Variants in FAM78B observed in about 807,000 individuals in gnomAD.
FAM78B encodes the protein protein FAM78B.
A neutral mutation model predicts 20.0 loss-of-function variants in FAM78B; 10 were observed. The observed-to-expected ratio is 0.50, with a 90% CI of 0.31 to 0.85. The LOEUF is 0.85. FAM78B is among the 40% of genes least tolerant of loss of function. The pLI, the probability that FAM78B is intolerant of heterozygous loss-of-function variation, is 0.05. For missense variants in FAM78B, 283 were observed against 345.0 expected (o/e 0.82, Z 1.42); for synonymous variants, 135 against 132.8 (o/e 1.02, Z -0.12).
intron 1 of FAM78B, chr1:166,087,327 T>C (rs1652876279): frequency 6.6e-6 from 1 of 152,124 alleles, no homozygotes. Context: ...CTCCCCAAAA[T>C]GCTAGGATTA....
chr1:166,118,239 A>T (rs1654330334), intron 1 of FAM78B, among the ~76,000 whole-genome samples: 1 of 152,204 alleles, frequency 6.6e-6, no homozygotes, highest in African/African-American at 2.4e-5. Context: ...TGCAGAATAC[A>T]GATAACCAGG....
chr1:166,106,118 A>C (rs1653771677), intron 1 of FAM78B, among the ~76,000 whole-genome samples: 1 of 150,000 alleles, frequency 6.7e-6, no homozygotes, highest in Admixed American at 6.7e-5. Context: ...GAAAAACCAA[A>C]CACCGTATGT....
intron 1 of FAM78B, among the ~76,000 whole-genome samples, chr1:166,074,864 C>G (rs1455100900): frequency 6.6e-6 from 1 of 152,182 alleles, no homozygotes; most frequent in Non-Finnish European, 1.5e-5. Flanking sequence ...CCAAGTGATA[C>G]AGCAATTTGG....
At chr1:166,143,215 A>G (rs1052904982) in intron 1 of FAM78B, among the ~76,000 whole-genome samples, 8 of 152,166 alleles carry the variant, frequency 5.3e-5, no homozygotes, top group Non-Finnish European at 1.2e-4. Flanking sequence ...AGAGGCTGGG[A>G]CAGTGGCAGG....
intron 1 of FAM78B, among the ~76,000 whole-genome samples, chr1:166,106,794 T>C (rs1018569772): frequency 6.6e-6 from 1 of 152,120 alleles, no homozygotes; most frequent in South Asian, 2.1e-4. Context: ...ACCTGGGTGA[T>C]GGGATCACTT....
At position 166,166,215 on chromosome 1, in the gene FAM78B, G is replaced by C. The variant is rs1357761559; in HGVS notation, c.34C>G (p.Arg12Gly). The change falls in exon 1 of 2, where the codon CGG (arginine) becomes GGG (glycine). Residue 12 changes from arginine to glycine, a missense_variant. Arg to Gly is a moderately radical substitution (Grantham distance 125). Coordinates refer to ENST00000354422, the MANE Select transcript of FAM78B (RefSeq NM_001017961.5). The part of the protein sequence containing the change: ...GCIQSITCKA[R>G]IRRENIVVYD... ...ACCACGATGTTCTCGCGCCGGATCCGCGCCTTGCAGGTGATGCTTTGGATA... is the reference window on the plus strand; with the variant it reads ...ACCACGATGTTCTCGCGCCGGATCCCCGCCTTGCAGGTGATGCTTTGGATA... The C allele has an allele frequency of 1.3e-6, 2 of 1,559,248 alleles. No individual in the cohort carries two copies. Among genetic ancestry groups the C allele is most frequent in the East Asian group, 2.4e-5 (1 of 42,492 alleles).
At chr1:166,107,258 A>G (rs1653823939) in intron 1 of FAM78B, among the ~76,000 whole-genome samples, 1 of 152,188 alleles carries the variant, frequency 6.6e-6, no homozygotes, top group Non-Finnish European at 1.5e-5. Flanking sequence ...CATTGGCAAG[A>G]TTAACCAAGA....
chr1:166,079,562 C>T (rs1258501135), intron 1 of FAM78B, among the ~76,000 whole-genome samples: 1 of 152,096 alleles, frequency 6.6e-6, no homozygotes, highest in Non-Finnish European at 1.5e-5. Flanking sequence ...TGTGATGGAA[C>T]ATCTTTTTCA....
chr1:166,152,655 G>GATTGATTTATTTATTT (rs369101683), intron 1 of FAM78B, among the ~76,000 whole-genome samples: 102 of 140,580 alleles, frequency 7.3e-4, no homozygotes, highest in African/African-American at 2.8e-3. Flanking sequence ...TGGTACTCTG[G>GATTGATTTATTTATTT]ATTTATTTAT....
chr1:166,127,219 C>T, intron 1 of FAM78B, among the ~76,000 whole-genome samples: 1 of 152,182 alleles, frequency 6.6e-6, no homozygotes, highest in East Asian at 1.9e-4. Context: ...GTTCCTCTTT[C>T]ATTTCCTACC....
intron 1 of FAM78B, among the ~76,000 whole-genome samples, chr1:166,126,077 G>A (rs775375875): frequency 6.6e-6 from 1 of 152,030 alleles, no homozygotes; most frequent in Non-Finnish European, 1.5e-5. Flanking sequence ...CTGGTGATCT[G>A]CCCACCTCAG....
At chr1:166,134,427 G>C (rs1342359987) in intron 1 of FAM78B, among the ~76,000 whole-genome samples, 1 of 152,042 alleles carries the variant, frequency 6.6e-6, no homozygotes, top group Non-Finnish European at 1.5e-5. Context: ...CCCATCTTAT[G>C]GTTGGGCTGA....
At chr1:166,060,207 C>T (rs1651529784) in exon 3 of FAM78B, 1 of 188,658 alleles carries the variant, frequency 5.3e-6, no homozygotes. Flanking sequence ...ACAAATCCCC[C>T]GTTTCCCACC....
intron 1 of FAM78B, among the ~76,000 whole-genome samples, chr1:166,105,496 A>G (rs1653735613): frequency 6.6e-6 from 1 of 152,208 alleles, no homozygotes; most frequent in Non-Finnish European, 1.5e-5. Flanking sequence ...AATGAACTCA[A>G]ACAAACTTAC....
chr1:166,086,443 C>T (rs1001365109), intron 1 of FAM78B, among the ~76,000 whole-genome samples: 16 of 152,270 alleles, frequency 1.1e-4, no homozygotes, highest in Non-Finnish European at 2.9e-5. Flanking sequence ...ATGGAAGGGG[C>T]TTCCCAGTTT....
rs1403277463 is a variant in FAM78B, at chr1:166,070,196, T to C, written c.*45A>G. The stretch of plus-strand genomic sequence containing the variant: ...TGCCACCCCTGGCACCCTCACTGCA[T>C]GTCTCAGAGGCGTGTGATCCACACA... On this transcript the variant is annotated 3_prime_UTR_variant, in exon 2 of 2. Coordinates refer to ENST00000354422, the MANE Select transcript of FAM78B (RefSeq NM_001017961.5). 1.4e-6 allele frequency: 2 copies of C among 1,461,040 alleles called. No individual in the cohort carries two copies. Among genetic ancestry groups the C allele is most frequent in the Non-Finnish European group, 1.8e-6 (2 of 1,102,230 alleles). 90.5% of individuals were successfully genotyped at this position (1,461,040 alleles called of 1,614,324 possible). A position where few individuals can be genotyped will look rare whatever the true frequency, so the allele number is the denominator to read the frequency against.
intron 1 of FAM78B, among the ~76,000 whole-genome samples, chr1:166,076,506 C>A (rs1652283798): frequency 6.6e-6 from 1 of 152,122 alleles, no homozygotes; most frequent in South Asian, 2.1e-4. Context: ...AAAATTGCAA[C>A]CTCCTGCCCC....
At chr1:166,159,256 A>G (rs1333046742) in intron 1 of FAM78B, among the ~76,000 whole-genome samples, 1 of 152,136 alleles carries the variant, frequency 6.6e-6, no homozygotes, top group Non-Finnish European at 1.5e-5. Flanking sequence ...ATAGAAAGCC[A>G]GGACACAGGG....
At position 166,104,052 on chromosome 1, in the gene FAM78B, C is replaced by T. The variant is rs61835097; in HGVS notation, c.264-33289G>A. ...TGGGATGCAAGGCTGGTTCAACATA[C>T]GCAAATCAATAAACATAATCCAGCA... On this transcript the variant is annotated intron_variant, in intron 1 of 1. Transcript: ENST00000354422. Among the ~76,000 whole-genome samples, 762 of 152,232 alleles carry T rather than the reference C, an allele frequency of 5.0e-3. 6 individuals are homozygous for T. Among genetic ancestry groups the T allele is most frequent in the Non-Finnish European group, 8.3e-3 (564 of 68,006 alleles).
Sources: gnomAD v4.1 joint callset for allele counts (sites outside exome capture counted in the v4.1 genomes callset) on GRCh38, gnomAD v4.1.1 for gene constraint, MANE v1.5 for transcripts, NCBI Gene and HGNC (gene_info 2026-07-23, HGNC 2026-07-21) for gene names.